The following PDE4D variants were observed in gnomAD, a reference collection of about 807,000 sequenced individuals.
PDE4D encodes the protein 3',5'-cyclic-AMP phosphodiesterase 4D.
Under a neutral mutation model 87.4 loss-of-function variants are expected in PDE4D, and 24 were observed. That is an observed-to-expected ratio of 0.27 (90% confidence interval 0.20 to 0.39). PDE4D has a LOEUF of 0.39. Ranked by LOEUF, PDE4D falls within the 10% of genes least tolerant of loss-of-function variation. The pLI, the probability that PDE4D is intolerant of heterozygous loss-of-function variation, is 1.00. For missense variants in PDE4D, 714 were observed against 1,041.0 expected (o/e 0.69, Z 4.32); for synonymous variants, 384 against 383.2 (o/e 1.00, Z -0.02).
At chr5:59,026,148 G>A (rs1756194360) in intron 6 of PDE4D, among the ~76,000 whole-genome samples, 1 of 152,224 alleles carries the variant, frequency 6.6e-6, no homozygotes, top group Non-Finnish European at 1.5e-5. Flanking sequence ...AAAATAGGTA[G>A]AGATGAGAAA....
chr5:60,380,980 T>C (rs2150005804), intron 1 of PDE4D, among the ~76,000 whole-genome samples: 1 of 152,278 alleles, frequency 6.6e-6, no homozygotes, highest in South Asian at 2.1e-4. Flanking sequence ...CAAATCTAGG[T>C]GGCTCAAGCC....
At chr5:60,414,069 A>G (rs1742276566) in intron 1 of PDE4D, among the ~76,000 whole-genome samples, 2 of 152,194 alleles carry the variant, frequency 1.3e-5, no homozygotes, top group Non-Finnish European at 2.9e-5. Context: ...AGAAGGGGTC[A>G]TGTATTCCTT....
chr5:59,145,999 C>T (rs113695556), intron 5 of PDE4D, among the ~76,000 whole-genome samples: 20,671 of 152,038 alleles, frequency 0.14, 1,516 homozygotes, highest in African/African-American at 0.15. Flanking sequence ...TGATGACATA[C>T]GCCTGTAGTC....
intron 3 of PDE4D, among the ~76,000 whole-genome samples, chr5:59,190,165 A>C (rs1447169765): frequency 6.6e-6 from 1 of 152,150 alleles, no homozygotes; most frequent in Non-Finnish European, 1.5e-5. Flanking sequence ...GAGGCAGAAG[A>C]TGAGATGGAT....
At chr5:60,452,693 C>A (rs976295977) in intron 1 of PDE4D, among the ~76,000 whole-genome samples, 9 of 152,150 alleles carry the variant, frequency 5.9e-5, no homozygotes, top group African/African-American at 2.2e-4. Flanking sequence ...GCAACAGCTA[C>A]ATTATGGAAA....
At chr5:60,490,377 A>G (rs550611433), upstream of PDE4D, 1 of 152,224 alleles carries the variant, frequency 6.6e-6, no homozygotes, top group Non-Finnish European at 1.5e-5. Context: ...GTGATGTCCC[A>G]TTATTATCCA....
At position 59,893,407 on chromosome 5, in the gene PDE4D, C is replaced by T. The variant is rs1452281390; in HGVS notation, c.216G>A (p.Pro72=). ...PPSPQPQPQC[P]LQPPPPPPLP... ...GGGGGGGCGGCGGCGGCGGCTGTAG[C>T]GGACACTGGGGCTGGGGCTGGGGCG... The change falls in exon 1 of 15, where the codon CCG becomes CCA. Residue 72 remains proline (P), a synonymous_variant. Coordinates refer to ENST00000340635, the MANE Select transcript of PDE4D (RefSeq NM_001104631.2). 5 of 1,399,856 alleles carry T rather than the reference C, an allele frequency of 3.6e-6. No homozygotes were observed. In the African/African-American group the frequency reaches 4.5e-5, roughly 13 times the overall value. The allele number at this position is 1,399,856 out of a possible 1,614,324, so 86.7% of individuals were successfully genotyped here.
chr5:59,209,544 T>C (rs1164181506), intron 2 of PDE4D, among the ~76,000 whole-genome samples: 1 of 152,210 alleles, frequency 6.6e-6, no homozygotes, highest in Non-Finnish European at 1.5e-5. Flanking sequence ...TTTTCAGACT[T>C]TCTCAGTACA....
At chr5:59,861,106 G>A (rs1746212861) in intron 1 of PDE4D, among the ~76,000 whole-genome samples, 1 of 150,186 alleles carries the variant, frequency 6.7e-6, no homozygotes, top group South Asian at 2.1e-4. Flanking sequence ...CCTGACCTCT[G>A]GTGATCCACC....
chr5:59,980,994 G>A (rs186031352), intron 3 of PDE4D, among the ~76,000 whole-genome samples: 185 of 152,300 alleles, frequency 1.2e-3, no homozygotes, highest in African/African-American at 4.2e-3. Flanking sequence ...GCTCACGCCT[G>A]TAGTCCCAGC....
At chr5:59,561,525 T>C (rs770309246) in intron 1 of PDE4D, among the ~76,000 whole-genome samples, 54 of 152,206 alleles carry the variant, frequency 3.5e-4, no homozygotes, top group Middle Eastern at 3.2e-3. Context: ...TATAATTAGT[T>C]TTTGTTTTTG....
At chr5:58,991,523 G>T (rs1747909315) in intron 8 of PDE4D, among the ~76,000 whole-genome samples, 1 of 151,854 alleles carries the variant, frequency 6.6e-6, no homozygotes, top group African/African-American at 2.4e-5. Flanking sequence ...TTCTTTAATG[G>T]ATAAAATCTA....
chr5:60,437,872 G>A (rs1744884836), intron 1 of PDE4D, among the ~76,000 whole-genome samples: 4 of 152,086 alleles, frequency 2.6e-5, no homozygotes, highest in African/African-American at 9.7e-5. Context: ...AAGCTATGAT[G>A]AATTTTTATT....
At chr5:60,396,117 A>C (rs988013944) in intron 1 of PDE4D, among the ~76,000 whole-genome samples, 3 of 152,198 alleles carry the variant, frequency 2.0e-5, no homozygotes, top group Non-Finnish European at 2.9e-5. Flanking sequence ...CAAAGGGGGC[A>C]CTGCTCTTTT....
intron 1 of PDE4D, among the ~76,000 whole-genome samples, chr5:60,452,578 T>C (rs1200499819): frequency 6.6e-6 from 1 of 151,980 alleles, no homozygotes; most frequent in Non-Finnish European, 1.5e-5. Flanking sequence ...TAAAATTTGG[T>C]ACAAAAGATA....
At chr5:59,223,191 G>T (rs2153512096) in intron 1 of PDE4D, among the ~76,000 whole-genome samples, 1 of 151,700 alleles carries the variant, frequency 6.6e-6, no homozygotes, top group African/African-American at 2.4e-5. Context: ...ATCTGGGGAG[G>T]GTGGAGACTG....
intron 1 of PDE4D, among the ~76,000 whole-genome samples, chr5:59,485,943 C>T (rs542138960): frequency 6.6e-6 from 1 of 151,956 alleles, no homozygotes; most frequent in Admixed American, 6.6e-5. Context: ...ATCTAAATAC[C>T]ATCAAAGCTA....
intron 1 of PDE4D, among the ~76,000 whole-genome samples, chr5:59,269,983 C>G (rs145287830): frequency 1.3e-5 from 2 of 152,188 alleles, no homozygotes; most frequent in African/African-American, 4.8e-5. Context: ...TCCAGGGACA[C>G]AGAGCATGTT....
chr5:59,337,426 G>C (rs1192483922), intron 1 of PDE4D, among the ~76,000 whole-genome samples: 2 of 149,716 alleles, frequency 1.3e-5, no homozygotes, highest in Non-Finnish European at 3.0e-5. Context: ...CCGTCCCCCG[G>C]GGTTCACGCC....
Sources: gnomAD v4.1 joint callset for allele counts (sites outside exome capture counted in the v4.1 genomes callset) on GRCh38, gnomAD v4.1.1 for gene constraint, MANE v1.5 for transcripts, NCBI Gene and HGNC (gene_info 2026-07-23, HGNC 2026-07-21) for gene names.